CGNL1: variants seen among roughly 807,000 people sequenced by gnomAD.
CGNL1 encodes cingulin-like protein 1.
CGNL1 carries 132 observed loss-of-function variants against 141.2 expected under a neutral mutation model. The ratio of observed to expected loss-of-function variants is 0.93; its 90% confidence interval spans 0.81 to 1.08. The LOEUF (loss-of-function observed/expected upper bound fraction) is 1.08, where lower values mean the gene tolerates loss of function less well. Among genes scored for constraint, CGNL1 ranks in the 50% least tolerant of loss-of-function variants. The pLI is 0.00. For synonymous variants in CGNL1, 690 were observed against 622.1 expected, an observed-to-expected ratio of 1.11 and a Z score of -1.63; for missense variants, 1,870 against 1,588.6, an observed-to-expected ratio of 1.18 and a Z score of -3.01.
chr15:57,422,739 G>A (rs1373070953), intron 1 of CGNL1, among the ~76,000 whole-genome samples: 4 of 152,168 alleles, frequency 2.6e-5, no homozygotes, highest in Non-Finnish European at 5.9e-5. Context: ...CGAAGGTGAG[G>A]CACCTAGTGT....
intron 1 of CGNL1, among the ~76,000 whole-genome samples, chr15:57,414,484 A>T (rs2062826844): frequency 6.6e-6 from 1 of 152,228 alleles, no homozygotes; most frequent in Non-Finnish European, 1.5e-5. Flanking sequence ...TTGTGTGAAG[A>T]GACAGACTTT....
intron 1 of CGNL1, among the ~76,000 whole-genome samples, chr15:57,398,716 G>C (rs1430886663): frequency 6.6e-6 from 1 of 152,120 alleles, no homozygotes; most frequent in African/African-American, 2.4e-5. Flanking sequence ...CAGGTTGTTG[G>C]GAAGGTACAC....
intron 1 of CGNL1, among the ~76,000 whole-genome samples, chr15:57,408,756 C>T (rs184407991): frequency 6.6e-6 from 1 of 152,208 alleles, no homozygotes; most frequent in African/African-American, 2.4e-5. Context: ...TGCCTTTAGG[C>T]CAGACACAGT....
At chr15:57,471,656 T>C (rs2063583093) in intron 8 of CGNL1, among the ~76,000 whole-genome samples, 1 of 152,130 alleles carries the variant, frequency 6.6e-6, no homozygotes, top group African/African-American at 2.4e-5. Flanking sequence ...TGCTCACCGA[T>C]GGAGTGAGGA....
intron 10 of CGNL1, among the ~76,000 whole-genome samples, 171 bp downstream of exon 10, chr15:57,518,668 T>TG (rs1194369496): frequency 1.3e-5 from 2 of 152,094 alleles, no homozygotes; most frequent in African/African-American, 2.4e-5. Flanking sequence ...GATTCTCAAC[T>TG]GGGGGGGATT....
chr15:57,532,593 G>A (rs2140183113), intron 14 of CGNL1, among the ~76,000 whole-genome samples: 1 of 152,334 alleles, frequency 6.6e-6, no homozygotes, highest in East Asian at 1.9e-4. Flanking sequence ...GTTGTCATAA[G>A]GATCAAATGT....
intron 7 of CGNL1, among the ~76,000 whole-genome samples, chr15:57,454,236 A>G (rs1257873415): frequency 2.0e-5 from 3 of 152,134 alleles, no homozygotes; most frequent in African/African-American, 7.2e-5. Flanking sequence ...ATAGTTTTGG[A>G]ACCTACTTCT....
At chr15:57,414,211 G>T (rs2062824046) in intron 1 of CGNL1, among the ~76,000 whole-genome samples, 2 of 152,122 alleles carry the variant, frequency 1.3e-5, no homozygotes, top group African/African-American at 4.8e-5. Flanking sequence ...CTGCTGGGCT[G>T]GTGGCCCCTT....
chr15:57,542,002 C>T (rs1479350405), intron 14 of CGNL1, among the ~76,000 whole-genome samples: 5 of 152,196 alleles, frequency 3.3e-5, no homozygotes, highest in African/African-American at 9.7e-5. Context: ...CCCCCTTCCC[C>T]GTTGCCCACT....
intron 8 of CGNL1, among the ~76,000 whole-genome samples, chr15:57,467,136 G>A (rs560473903): frequency 1.0e-3 from 155 of 152,288 alleles, no homozygotes; most frequent in African/African-American, 3.6e-3. Context: ...TGCTAAGTTC[G>A]TGAGGACTAT....
At chr15:57,542,351 T>C (rs1045101603) in intron 14 of CGNL1, among the ~76,000 whole-genome samples, 1 of 152,220 alleles carries the variant, frequency 6.6e-6, no homozygotes, top group Admixed American at 6.5e-5. Context: ...TTTATTTTAC[T>C]GGCTTAGCTT....
At chr15:57,520,996 T>G (rs2031215908) in intron 10 of CGNL1, among the ~76,000 whole-genome samples, 1 of 152,164 alleles carries the variant, frequency 6.6e-6, no homozygotes, top group East Asian at 1.9e-4. Context: ...TCACCCTACA[T>G]CTACCCGTGT....
rs762775824 is a variant in CGNL1 at position 57,518,399 on chromosome 15, A to T, written c.2617A>T (p.Ile873Leu). The T allele has an allele frequency of 6.2e-7, 1 of 1,612,626 alleles. No homozygotes were observed. Residue 873 changes from isoleucine to leucine, a missense_variant, in exon 10 of 19, where the codon ATA becomes TTA. Physicochemically the swap from Ile to Leu is conservative, Grantham distance 5. Transcript: ENST00000281282. The stretch of plus-strand genomic sequence containing the variant: ...ACCCAGTGTTTCATTGTAGGGAGAA[A>T]TACGACAGTTAGAGGAGGCCCTTGT... ...KETLKKYEGE[I>L]RQLEEALVHA...
intron 8 of CGNL1, among the ~76,000 whole-genome samples, chr15:57,509,412 T>C (rs1413487665): frequency 6.6e-6 from 1 of 152,162 alleles, no homozygotes; most frequent in African/African-American, 2.4e-5. Context: ...TATGTCTGTG[T>C]ACTGGGTCGG....
chr15:57,445,860 A>G (rs1240029937), intron 4 of CGNL1, among the ~76,000 whole-genome samples: 2 of 152,164 alleles, frequency 1.3e-5, no homozygotes, highest in Non-Finnish European at 2.9e-5. Context: ...TGTTATTTTC[A>G]TGGAAGAAGA....
At chr15:57,502,707 T>C (rs2064042923) in intron 8 of CGNL1, among the ~76,000 whole-genome samples, 2 of 152,204 alleles carry the variant, frequency 1.3e-5, no homozygotes, top group South Asian at 2.1e-4. Flanking sequence ...CTTATGAACA[T>C]GTTGAACTTT....
At chr15:57,535,906 T>C (rs1051551652) in intron 14 of CGNL1, among the ~76,000 whole-genome samples, 1 of 152,216 alleles carries the variant, frequency 6.6e-6, no homozygotes, top group Non-Finnish European at 1.5e-5. Flanking sequence ...CCATTCTTTC[T>C]TTCTCTTATG....
intron 8 of CGNL1, among the ~76,000 whole-genome samples, chr15:57,496,271 A>G (rs2063936575): frequency 6.6e-6 from 1 of 152,210 alleles, no homozygotes; most frequent in Admixed American, 6.5e-5. Flanking sequence ...TTACCTATTG[A>G]GAAGATCAAG....
chr15:57,408,488 G>T (rs1432880188), intron 1 of CGNL1, among the ~76,000 whole-genome samples: 2 of 152,144 alleles, frequency 1.3e-5, no homozygotes, highest in African/African-American at 4.8e-5. Flanking sequence ...AGTTTTCCCA[G>T]AGCCAAACCT....
Sources: gnomAD v4.1 joint callset for allele counts (sites outside exome capture counted in the v4.1 genomes callset) on GRCh38, gnomAD v4.1.1 for gene constraint, MANE v1.5 for transcripts, NCBI Gene and HGNC (gene_info 2026-07-23, HGNC 2026-07-21) for gene names.